SND1: variants seen among roughly 807,000 people sequenced by gnomAD.
SND1 encodes the protein staphylococcal nuclease and tudor domain containing 1, also known as staphylococcal nuclease domain-containing protein 1.
In SND1, 38 loss-of-function variants were observed where a neutral mutation model predicts 121.7. The observed-to-expected ratio is 0.31, with a 90% CI of 0.24 to 0.41. The LOEUF is 0.41. Among genes scored for constraint, SND1 ranks in the 10% least tolerant of loss-of-function variants. The pLI, the probability that SND1 is intolerant of heterozygous loss-of-function variation, is 1.00. For synonymous variants in SND1, 401 were observed against 447.4 expected, an observed-to-expected ratio of 0.90 and a Z score of 1.31; for missense variants, 868 against 1,184.6, an observed-to-expected ratio of 0.73 and a Z score of 3.92.
At chr7:127,788,717 C>T (rs77087772) in intron 10 of SND1, among the ~76,000 whole-genome samples, 2 of 152,154 alleles carry the variant, frequency 1.3e-5, no homozygotes, top group Non-Finnish European at 2.9e-5. Context: ...TCTTCAAATT[C>T]TCTTCTCTTT....
chr7:127,900,913 G>A (rs1421257915), intron 13 of SND1, among the ~76,000 whole-genome samples: 1 of 152,180 alleles, frequency 6.6e-6, no homozygotes, highest in East Asian at 1.9e-4. Flanking sequence ...CTGCTGGCTG[G>A]CCTGCACACT....
intron 14 of SND1, among the ~76,000 whole-genome samples, chr7:127,912,407 A>AT (rs1800478434): frequency 1.3e-5 from 2 of 152,182 alleles, no homozygotes; most frequent in African/African-American, 4.8e-5. Context: ...CACTTCTCTT[A>AT]TTTAGCTTCA....
intron 15 of SND1, among the ~76,000 whole-genome samples, chr7:127,986,323 C>G (rs1802389677): frequency 6.6e-6 from 1 of 152,104 alleles, no homozygotes; most frequent in Admixed American, 6.5e-5. Flanking sequence ...TGCTCCATAG[C>G]CCAGCATTTT....
intron 15 of SND1, among the ~76,000 whole-genome samples, chr7:127,960,875 C>T (rs1003664555): frequency 6.6e-6 from 1 of 152,172 alleles, no homozygotes; most frequent in African/African-American, 2.4e-5. Context: ...ACTATTCTGC[C>T]AGCTGCCCAG....
At chr7:127,982,193 C>G (rs940058752) in intron 15 of SND1, among the ~76,000 whole-genome samples, 2 of 152,218 alleles carry the variant, frequency 1.3e-5, no homozygotes, top group African/African-American at 4.8e-5. Context: ...TCTTCTCTTC[C>G]CCTTCCTTTC....
At chr7:127,667,108 T>A (rs1398312251) in intron 1 of SND1, among the ~76,000 whole-genome samples, 1 of 152,194 alleles carries the variant, frequency 6.6e-6, no homozygotes, top group Non-Finnish European at 1.5e-5. Flanking sequence ...AAAGTCATGC[T>A]TCTCATGAGT....
At chr7:127,917,379 T>C (rs1044620025) in intron 14 of SND1, among the ~76,000 whole-genome samples, 3 of 152,222 alleles carry the variant, frequency 2.0e-5, no homozygotes, top group Non-Finnish European at 4.4e-5. Flanking sequence ...TGCATGCATG[T>C]ATATGCTTTA....
chr7:127,659,467 G>A (rs1795271494), intron 1 of SND1, among the ~76,000 whole-genome samples: 2 of 152,132 alleles, frequency 1.3e-5, no homozygotes, highest in African/African-American at 4.8e-5. Flanking sequence ...GATATAAACT[G>A]GTTTGGCACA....
chr7:127,683,530 G>T (rs1795763281), intron 1 of SND1, among the ~76,000 whole-genome samples: 1 of 152,134 alleles, frequency 6.6e-6, no homozygotes, highest in Admixed American at 6.6e-5. Flanking sequence ...AGTGTGTTTT[G>T]AATGATTTCA....
chr7:127,929,483 A>T (rs1295666032), intron 15 of SND1, among the ~76,000 whole-genome samples, 154 bp downstream of exon 15: 1 of 152,012 alleles, frequency 6.6e-6, no homozygotes, highest in African/African-American at 2.4e-5. Flanking sequence ...TCTAGATTGG[A>T]TCCTCCTGTG....
chr7:127,858,130 AGGGAGTGT>A lies in SND1; in HGVS notation c.1343+13710_1343+13717del. The A allele has an allele frequency of 3.5e-6, 3 of 862,382 alleles. No homozygotes were observed. In the South Asian group the frequency reaches 4.0e-5, roughly 11 times the overall value. The allele number at this position is 862,382 out of a possible 1,614,324, so 53.4% of individuals were successfully genotyped here. A position where few individuals can be genotyped will look rare whatever the true frequency, so the allele number is the denominator to read the frequency against. On this transcript the variant is annotated intron_variant, in intron 12 of 23. Transcript: ENST00000354725. ...TGCCACTTCCTCAGCGAACATGTCTAGGGAGTGTGGGGGTGTGGGATTGTGGGGTCCCT... is the reference window on the plus strand; with the variant it reads ...TGCCACTTCCTCAGCGAACATGTCTAGGGGGTGTGGGATTGTGGGGTCCCT...
chr7:127,786,938 G>A (rs1302188412), intron 10 of SND1, among the ~76,000 whole-genome samples: 1 of 152,194 alleles, frequency 6.6e-6, no homozygotes, highest in Non-Finnish European at 1.5e-5. Flanking sequence ...CACCGCGCCC[G>A]GCCTTGTTTG....
At chr7:127,896,410 TC>T (rs916735424) in intron 13 of SND1, among the ~76,000 whole-genome samples, 1 of 152,118 alleles carries the variant, frequency 6.6e-6, no homozygotes, top group African/African-American at 2.4e-5. Context: ...ACAACTTGCT[TC>T]CCTAAACCAG....
chr7:128,082,080 G>A (rs530322784), intron 18 of SND1: 59 of 420,066 alleles, frequency 1.4e-4, no homozygotes, highest in Non-Finnish European at 2.8e-4. Context: ...GTCCTGAGTG[G>A]TGTGCACTGT....
intron 7 of SND1, 30 bp downstream of exon 7, chr7:127,703,353 A>G (rs1402891906): frequency 1.2e-6 from 2 of 1,611,364 alleles, no homozygotes; most frequent in Admixed American, 3.3e-5. Flanking sequence ...CTGGGTGGTG[A>G]TGGGCTAGGG....
intron 16 of SND1, among the ~76,000 whole-genome samples, chr7:128,072,977 C>G (rs74515553): frequency 0.055 from 8,379 of 152,280 alleles, 628 homozygotes; most frequent in African/African-American, 0.17. Context: ...CAGCCCAGCC[C>G]AGAATTGGGG....
intron 14 of SND1, among the ~76,000 whole-genome samples, chr7:127,928,882 C>T (rs935323696): frequency 7.9e-5 from 12 of 152,304 alleles, no homozygotes; most frequent in African/African-American, 2.2e-4. Flanking sequence ...TGAGCCACTG[C>T]GCCTGGCACC....
chr7:127,697,989 C>G (rs1239155315), intron 3 of SND1, among the ~76,000 whole-genome samples: 1 of 152,116 alleles, frequency 6.6e-6, no homozygotes, highest in Non-Finnish European at 1.5e-5. Context: ...TTTTGGCCGA[C>G]AAGCAGAGAT....
intron 15 of SND1, among the ~76,000 whole-genome samples, chr7:127,962,619 G>A (rs1469368739): frequency 6.6e-6 from 1 of 152,190 alleles, no homozygotes; most frequent in East Asian, 1.9e-4. Flanking sequence ...AAATCTGAAA[G>A]GTTAGGTTAT....
Sources: allele counts gnomAD v4.1 joint callset (sites outside exome capture counted in the v4.1 genomes callset), GRCh38; gene constraint gnomAD v4.1.1; transcripts MANE v1.5; gene names NCBI Gene and HGNC (gene_info 2026-07-23, HGNC 2026-07-21).